The following CPAMD8 variants were observed in gnomAD, a reference collection of about 807,000 sequenced individuals.
The protein encoded by CPAMD8 is C3 and PZP like alpha-2-macroglobulin domain containing 8, also known as C3 and PZP-like alpha-2-macroglobulin domain-containing protein 8.
CPAMD8 carries 146 observed loss-of-function variants against 224.7 expected under a neutral mutation model. The ratio of observed to expected loss-of-function variants is 0.65; its 90% CI spans 0.57 to 0.75. CPAMD8 has a LOEUF of 0.75. Ranked by LOEUF, CPAMD8 falls within the 30% of genes least tolerant of loss-of-function variation. CPAMD8 has a pLI of 0.00. For synonymous variants in CPAMD8, 966 were observed against 1,044.6 expected, an observed-to-expected ratio of 0.92 and a Z score of 1.45; for missense variants, 2,301 against 2,537.5, an observed-to-expected ratio of 0.91 and a Z score of 2.00.
At chr19:16,961,405 C>T (rs1305982871) in intron 18 of CPAMD8, among the ~76,000 whole-genome samples, 2 of 152,278 alleles carry the variant, frequency 1.3e-5, no homozygotes, top group African/African-American at 4.8e-5. Flanking sequence ...CAGAGCCTTG[C>T]TCACTGCTAG....
chr19:17,009,270 A>T (rs755039481), intron 6 of CPAMD8, 33 bp downstream of exon 6: 5 of 1,613,986 alleles, frequency 3.1e-6, no homozygotes, highest in South Asian at 2.2e-5. Context: ...CCGGGCCCCA[A>T]GTCCAAGCCG....
intron 1 of CPAMD8, among the ~76,000 whole-genome samples, chr19:17,025,500 C>G (rs2057056282): frequency 6.6e-6 from 1 of 152,204 alleles, no homozygotes; most frequent in Non-Finnish European, 1.5e-5. Flanking sequence ...GAGCCAAGGT[C>G]TGTCATGTGG....
rs1411205830 is a variant in CPAMD8, at chr19:16,936,760, C to T, written c.2845+1635G>A. 3.9e-5 allele frequency among the ~76,000 whole-genome samples: 6 copies of T among 152,190 alleles called. No individual in the cohort carries two copies. In the East Asian group the frequency reaches 1.2e-3, roughly 29 times the overall value. On this transcript the variant is annotated intron_variant, in intron 23 of 41. Coordinates refer to ENST00000443236, the MANE Select transcript of CPAMD8 (RefSeq NM_015692.5). ...TTATTCACTACTGAATTGGAGACTTCATTATATATTCTAAAAACCAGTAAT... is the reference window on the plus strand; with the variant it reads ...TTATTCACTACTGAATTGGAGACTTTATTATATATTCTAAAAACCAGTAAT...
intron 19 of CPAMD8, 162 bp downstream of exon 19, chr19:16,957,691 C>T: frequency 1.4e-6 from 1 of 693,378 alleles, no homozygotes; most frequent in Non-Finnish European, 2.5e-6. Flanking sequence ...GGACTCAAGG[C>T]TGGCTTCATG....
At position 17,004,346 on chromosome 19, in the gene CPAMD8, C is replaced by G. The variant is rs201095334; in HGVS notation, c.600G>C (p.Val200=). Residue 200 remains valine, a synonymous_variant, in exon 8 of 42, where the codon GTG becomes GTC. Transcript: ENST00000443236. ...CAACAAAAATGAACCATTCTCCCAA[C>G]ACAGGCTGGTCGGACAAGGGGAAGC... ...NMSFPLSDQP[V]LGEWFIFVEM... 11 of 1,613,758 alleles carry G rather than the reference C, an allele frequency of 6.8e-6. No homozygotes were observed. Among genetic ancestry groups the G allele is most frequent in the Middle Eastern group, 1.6e-4 (1 of 6,080 alleles).
intron 13 of CPAMD8, among the ~76,000 whole-genome samples, chr19:16,984,154 A>G (rs2055622966): frequency 6.6e-6 from 1 of 152,060 alleles, no homozygotes; most frequent in South Asian, 2.1e-4. Context: ...GGTACATGCA[A>G]AAGAGTGAAG....
At chr19:16,971,181 G>T in intron 17 of CPAMD8, 148 bp from the exon 18 acceptor site, 2 of 674,944 alleles carry the variant, frequency 3.0e-6, no homozygotes, top group South Asian at 2.3e-5. Context: ...TGCTTTTTTG[G>T]GTTTGTTTTG....
At chr19:16,923,564 G>A (rs2053252133) in intron 26 of CPAMD8, among the ~76,000 whole-genome samples, 1 of 152,160 alleles carries the variant, frequency 6.6e-6, no homozygotes, top group African/African-American at 2.4e-5. Flanking sequence ...GGACCTTACT[G>A]GAAATAAAAG....
rs143649480 is a variant in CPAMD8 at position 16,976,949 on chromosome 19, G to A, written c.1758+419C>T. Among the ~76,000 whole-genome samples the A allele has an allele frequency of 9.8e-3, 1,493 of 152,234 alleles. 11 individuals are homozygous for A. Among genetic ancestry groups the A allele is most frequent in the South Asian group, 0.015 (71 of 4,816 alleles). ...CTCAGCTACTCGGGAGGCTGAGGCC[G>A]GAGAATTGCTTGAACCCGGGAGGCA... On this transcript the variant is annotated intron_variant, in intron 15 of 41. Coordinates refer to ENST00000443236, the MANE Select transcript of CPAMD8 (RefSeq NM_015692.5).
intron 3 of CPAMD8, among the ~76,000 whole-genome samples, chr19:17,018,655 C>G (rs1187444363): frequency 1.3e-5 from 2 of 151,806 alleles, no homozygotes; most frequent in East Asian, 3.9e-4. Context: ...GGGTGGATCA[C>G]TTGAGGTCAG....
chr19:16,947,338 C>T, intron 20 of CPAMD8, 111 bp from the exon 21 acceptor site: 2 of 1,311,824 alleles, frequency 1.5e-6, no homozygotes, highest in Non-Finnish European at 2.1e-6. Context: ...TTGTCAGCCT[C>T]CCAAAGAGCC....
chr19:17,017,924 T>C (rs1346595751), intron 3 of CPAMD8, among the ~76,000 whole-genome samples: 1 of 151,150 alleles, frequency 6.6e-6, no homozygotes, highest in African/African-American at 2.4e-5. Flanking sequence ...TCCCAGCTAC[T>C]GGGGAGGCTG....
chr19:17,020,188 G>A, intron 3 of CPAMD8, 143 bp downstream of exon 3: 1 of 669,278 alleles, frequency 1.5e-6, no homozygotes, highest in Non-Finnish European at 2.7e-6. Context: ...TGCCCAGGCT[G>A]ATCTCGAACT....
chr19:16,951,604 T>C (rs966861509), intron 20 of CPAMD8, among the ~76,000 whole-genome samples: 1 of 152,076 alleles, frequency 6.6e-6, no homozygotes, highest in Non-Finnish European at 1.5e-5. Context: ...CATGCTATCA[T>C]ATATGATACC....
chr19:16,902,779 C>A lies in CPAMD8; in HGVS notation c.4555G>T (p.Gly1519Ter), dbSNP rs1464404129. 6.3e-7 allele frequency: 1 copy of A among 1,590,654 alleles called. No homozygotes were observed. Among genetic ancestry groups the A allele is most frequent in the Non-Finnish European group, 8.6e-7 (1 of 1,164,742 alleles). Residue 1519 changes from glycine to a stop codon, truncating the protein, a stop_gained, in exon 35 of 42, where the codon GGA (glycine) becomes TGA (stop). Transcript: ENST00000443236. LOFTEE classifies it high-confidence loss of function. Reference protein sequence around the residue: ...LVSLQEPEAQGRPPPMPASAA... With the variant: ...LVSLQEPEAQ Reference sequence around the variant, plus strand: ...GAGGCAGGCATGGGGGGCGGGCGTCCCTGGGCCTCAGGCTCCTGGAGGCTT... The same window carrying A: ...GAGGCAGGCATGGGGGGCGGGCGTCACTGGGCCTCAGGCTCCTGGAGGCTT...
In CPAMD8 at chr19:16,945,683, C is replaced by T. The variant is rs1336687344; in HGVS notation, c.2663-4G>A. On this transcript the variant is annotated splice_region_variant and splice_polypyrimidine_tract_variant and intron_variant, in intron 21 of 41. Coordinates refer to ENST00000443236, the MANE Select transcript of CPAMD8 (RefSeq NM_015692.5). ...TCTCCGTAAGCAAGGGCTTTGGCTG[C>T]AGAAATTTGATGTCTTGGTCTCAGA... The T allele has an allele frequency of 1.2e-6, 2 of 1,613,992 alleles. No individual in the cohort carries two copies. Among genetic ancestry groups the T allele is most frequent in the Admixed American group, 1.7e-5 (1 of 60,012 alleles).
At chr19:16,986,557 T>C (rs2055728762) in intron 13 of CPAMD8, among the ~76,000 whole-genome samples, 1 of 152,128 alleles carries the variant, frequency 6.6e-6, no homozygotes, top group Non-Finnish European at 1.5e-5. Flanking sequence ...TGACTTCTCA[T>C]TCTTACAACC....
intron 7 of CPAMD8, among the ~76,000 whole-genome samples, chr19:17,005,739 C>T (rs935610492): frequency 5.3e-5 from 8 of 152,158 alleles, no homozygotes; most frequent in Non-Finnish European, 8.8e-5. Flanking sequence ...GCGGCGCCCA[C>T]GGCTTCTCTC....
rs774331849 is a variant in CPAMD8, at chr19:16,904,489, A to G, written c.4091T>C (p.Phe1364Ser). 2 of 1,614,130 alleles carry G rather than the reference A, an allele frequency of 1.2e-6. No individual in the cohort carries two copies. Among genetic ancestry groups the G allele is most frequent in the East Asian group, 4.5e-5 (2 of 44,880 alleles). Residue 1364 changes from phenylalanine to serine, a missense_variant, in exon 31 of 42, where the codon TTC (phenylalanine) becomes TCC (serine). By Grantham distance (155) the Phe-to-Ser change is radical (BLOSUM62 -2). Around this residue, in one of 4 missense-constraint regions of CPAMD8, gnomAD observed 1,709 missense variants for 1,753.2 expected, o/e 0.97. Transcript: ENST00000443236. ...WDVDKGTFLS[F>S]SDRVSQSVVS... Reference sequence around the variant, plus strand: ...ACCTGACTGAGAGACCCTGTCACTGAAGCTCAAGAATGTGCCCTTGTCCAC... The same window carrying G: ...ACCTGACTGAGAGACCCTGTCACTGGAGCTCAAGAATGTGCCCTTGTCCAC...
Sources: gnomAD v4.1 joint callset for allele counts (sites outside exome capture counted in the v4.1 genomes callset) on GRCh38, gnomAD v4.1.1 for gene constraint, gnomAD v4.1.1 regional missense constraint, MANE v1.5 for transcripts, NCBI Gene and HGNC (gene_info 2026-07-23, HGNC 2026-07-21) for gene names.